MRPL48: variants seen among roughly 807,000 people sequenced by gnomAD.
MRPL48 encodes the protein mitochondrial ribosomal protein L48.
Under a neutral mutation model 32.9 loss-of-function variants are expected in MRPL48, and 16 were observed. The ratio of observed to expected loss-of-function variants is 0.49; its 90% confidence interval spans 0.33 to 0.74. The LOEUF (loss-of-function observed/expected upper bound fraction) is 0.74, where lower values mean the gene tolerates loss of function less well. Among genes scored for constraint, MRPL48 ranks in the 30% least tolerant of loss-of-function variants. MRPL48 has a pLI of 0.02. For synonymous variants in MRPL48, 94 were observed against 89.2 expected (o/e 1.05, Z -0.31); for missense variants, 206 against 245.3 (o/e 0.84, Z 1.07).
chr11:73,847,799 C>CG (rs376769492), intron 5 of MRPL48, among the ~76,000 whole-genome samples: 216 of 152,142 alleles, frequency 1.4e-3, no homozygotes, highest in African/African-American at 5.1e-3. Flanking sequence ...AGGCCAGTCT[C>CG]GAACTCCTGA....
At chr11:73,819,026 C>A (rs538229647) in intron 3 of MRPL48, among the ~76,000 whole-genome samples, 55 of 152,274 alleles carry the variant, frequency 3.6e-4, no homozygotes, top group African/African-American at 1.3e-3. Context: ...CAGCAGGAAA[C>A]CCACTTATTG....
intron 1 of MRPL48, among the ~76,000 whole-genome samples, chr11:73,799,285 G>A (rs1485147946): frequency 6.6e-6 from 1 of 152,124 alleles, no homozygotes; most frequent in Non-Finnish European, 1.5e-5. Context: ...CTAGGGGGTC[G>A]AGGTTGCAGT....
intron 3 of MRPL48, among the ~76,000 whole-genome samples, chr11:73,810,531 A>G (rs1947546587): frequency 1.3e-5 from 2 of 150,248 alleles, no homozygotes; most frequent in South Asian, 2.1e-4. Context: ...CAAAAAAGAA[A>G]AAAGAAATAA....
chr11:73,802,722 A>G (rs1228201691), intron 1 of MRPL48, among the ~76,000 whole-genome samples: 1 of 150,062 alleles, frequency 6.7e-6, no homozygotes, highest in Non-Finnish European at 1.5e-5. Context: ...AACTTGAGAC[A>G]GGGTCTCATT....
chr11:73,855,613 G>A (rs1008864074), intron 5 of MRPL48, among the ~76,000 whole-genome samples: 19 of 151,988 alleles, frequency 1.3e-4, no homozygotes, highest in African/African-American at 3.9e-4. Context: ...TCAGCCTCCC[G>A]AGTAGCTGGG....
chr11:73,810,226 A>C (rs1197720137), intron 3 of MRPL48, among the ~76,000 whole-genome samples: 1 of 152,218 alleles, frequency 6.6e-6, no homozygotes, highest in Admixed American at 6.5e-5. Context: ...GTTTTTAGAA[A>C]TAAGGATATT....
intron 4 of MRPL48, among the ~76,000 whole-genome samples, chr11:73,827,988 G>T (rs948651614): frequency 7.2e-5 from 11 of 152,050 alleles, no homozygotes; most frequent in Non-Finnish European, 1.6e-4. Context: ...AGGCATGGCG[G>T]GTCCTGAAAT....
At chr11:73,847,974 G>C (rs1948324665) in intron 5 of MRPL48, among the ~76,000 whole-genome samples, 1 of 152,174 alleles carries the variant, frequency 6.6e-6, no homozygotes, top group Non-Finnish European at 1.5e-5. Context: ...TTGAAGAGCA[G>C]AAGTTAAGCT....
intron 2 of MRPL48, among the ~76,000 whole-genome samples, chr11:73,807,708 G>A (rs1947480375): frequency 6.8e-6 from 1 of 148,108 alleles, no homozygotes; most frequent in East Asian, 2.0e-4. Context: ...CACGATCTTG[G>A]CTTACTGCAA....
chr11:73,850,440 TA>T (rs909435976), intron 5 of MRPL48: 1,549 of 288,946 alleles, frequency 5.4e-3, no homozygotes, highest in South Asian at 9.7e-3. Context: ...CCCAGTCCTT[TA>T]AAAAAAAAAT....
Position 73,812,520 on chromosome 11 carries a change from G to A in MRPL48, c.112+4170G>A, listed in dbSNP as rs114537085. Reference sequence around the variant, plus strand: ...GTATTAATTTACATTTCTATTTTCCGGCCCAAACTGGGTTTTATAAAACAT... The same window carrying A: ...GTATTAATTTACATTTCTATTTTCCAGCCCAAACTGGGTTTTATAAAACAT... On this transcript the variant is annotated intron_variant, in intron 3 of 7. Transcript: ENST00000310614. Among the ~76,000 whole-genome samples the A allele has an allele frequency of 5.3e-3, 803 of 151,526 alleles. 8 individuals are homozygous for A. Among genetic ancestry groups the A allele is most frequent in the African/African-American group, 0.018 (734 of 41,306 alleles).
At chr11:73,833,604 C>T (rs1948034574) in intron 4 of MRPL48, among the ~76,000 whole-genome samples, 1 of 152,064 alleles carries the variant, frequency 6.6e-6, no homozygotes, top group South Asian at 2.1e-4. Flanking sequence ...AAATTTCACA[C>T]ATTCCTCCTA....
At chr11:73,854,945 G>T (rs755779529) in intron 5 of MRPL48, among the ~76,000 whole-genome samples, 3 of 152,104 alleles carry the variant, frequency 2.0e-5, no homozygotes, top group Admixed American at 1.3e-4. Context: ...GGGGCAGTTT[G>T]CTCAACCTCT....
intron 5 of MRPL48, among the ~76,000 whole-genome samples, chr11:73,847,446 CTT>C (rs563267858): frequency 5.6e-5 from 8 of 142,146 alleles, no homozygotes; most frequent in Admixed American, 7.0e-5. Flanking sequence ...ATAGCAGTTC[CTT>C]TTTTTTTTTT....
At chr11:73,799,113 A>C (rs1004767430) in intron 1 of MRPL48, among the ~76,000 whole-genome samples, 3 of 152,138 alleles carry the variant, frequency 2.0e-5, no homozygotes, top group Non-Finnish European at 2.9e-5. Flanking sequence ...GGGCTTTTCC[A>C]GGATGCCTAA....
intron 6 of MRPL48, 23 bp from the exon 7 acceptor site, chr11:73,863,149 G>C (rs1401092173): frequency 6.4e-7 from 1 of 1,561,452 alleles, no homozygotes; most frequent in Non-Finnish European, 8.7e-7. Flanking sequence ...CCACCTCTTA[G>C]AGCACCTTCT....
intron 1 of MRPL48, among the ~76,000 whole-genome samples, chr11:73,804,408 C>G (rs1362298403): frequency 2.0e-5 from 3 of 152,014 alleles, no homozygotes; most frequent in Non-Finnish European, 4.4e-5. Flanking sequence ...TCCTGAGTAG[C>G]TGGGAGTACA....
intron 1 of MRPL48, among the ~76,000 whole-genome samples, chr11:73,788,240 T>C (rs575657911): frequency 1.3e-5 from 2 of 152,024 alleles, no homozygotes; most frequent in African/African-American, 4.8e-5. Context: ...CATGCCACTC[T>C]CTCCACCCAG....
intron 3 of MRPL48, among the ~76,000 whole-genome samples, chr11:73,814,951 G>A (rs1947636875): frequency 6.7e-6 from 1 of 149,974 alleles, no homozygotes; most frequent in African/African-American, 2.5e-5. Flanking sequence ...GAGATGTCTT[G>A]CCACTGCACG....
Sources: gnomAD v4.1 joint callset for allele counts (sites outside exome capture counted in the v4.1 genomes callset) on GRCh38, gnomAD v4.1.1 for gene constraint, MANE v1.5 for transcripts, NCBI Gene and HGNC (gene_info 2026-07-23, HGNC 2026-07-21) for gene names.